KIDINS220: variants seen among roughly 807,000 people sequenced by gnomAD.
The protein encoded by KIDINS220 is kinase D-interacting substrate of 220 kDa.
In KIDINS220, 63 loss-of-function variants were observed where a neutral mutation model predicts 157.6. The observed-to-expected ratio is 0.40, with a 90% CI of 0.33 to 0.49. The LOEUF (loss-of-function observed/expected upper bound fraction) is 0.49. KIDINS220 is among the 20% of genes least tolerant of loss of function. The pLI is 0.66. For synonymous variants in KIDINS220, 732 were observed against 783.6 expected (o/e 0.93, Z 1.10); for missense variants, 1,772 against 2,171.2 (o/e 0.82, Z 3.65).
rs781540261 is a variant in KIDINS220, at chr2:8,788,680, A to C, written c.1754T>G (p.Leu585Trp). ...LKLMFVNPPE[L>W]PEQTTKALPV... Reference sequence around the variant, plus strand: ...TAAAGCTTTAGTAGTCTGCTCTGGCAACTCAGGTGGATTCACAAACATCAA... The same window carrying C: ...TAAAGCTTTAGTAGTCTGCTCTGGCCACTCAGGTGGATTCACAAACATCAA... Residue 585 changes from leucine (L) to tryptophan (W), a missense_variant, in exon 15 of 30, where the codon TTG (leucine) becomes TGG (tryptophan). Coordinates refer to ENST00000256707, the MANE Select transcript of KIDINS220 (RefSeq NM_020738.4). 59 of 1,614,068 alleles carry C rather than the reference A, an allele frequency of 3.7e-5. No individual in the cohort carries two copies. The highest frequency in any genetic ancestry group is 4.6e-5 in the Non-Finnish European group (54 of 1,180,008).
At chr2:8,762,218 T>C (rs1020397925) in intron 22 of KIDINS220, among the ~76,000 whole-genome samples, 3 of 152,238 alleles carry the variant, frequency 2.0e-5, no homozygotes, top group Non-Finnish European at 2.9e-5. Context: ...AACTTTGGAA[T>C]GTTCTATATA....
At position 8,835,850 on chromosome 2, in the gene KIDINS220, G is replaced by A. The variant is rs561874014; in HGVS notation, c.-37+1630C>T. On this transcript the variant is annotated intron_variant, in intron 1 of 29. Transcript: ENST00000256707. The stretch of plus-strand genomic sequence containing the variant: ...AGCACATAAAATGGAGAAACTGACC[G>A]TTCTTGAGCAAAAGCAGGAAGAAGG... Among the ~76,000 whole-genome samples, 7 of 152,108 alleles carry A rather than the reference G, an allele frequency of 4.6e-5. No individual in the cohort carries two copies. The South Asian group carries it at 6.2e-4, about 14-fold the overall frequency.
chr2:8,750,336 C>T lies in KIDINS220; in HGVS notation c.3191-1G>A. 6.5e-7 allele frequency: 1 copy of T among 1,542,742 alleles called. No individual in the cohort carries two copies. The highest frequency in any genetic ancestry group is 8.8e-7 in the Non-Finnish European group (1 of 1,138,830). On this transcript the variant is annotated splice_acceptor_variant, in intron 23 of 29. Transcript: ENST00000256707. LOFTEE classifies it high-confidence loss of function. ...ATCTGCTCTCTGGCAGCACGAACAT[C>T]TGAAAGATTCAATCAGACCCCAGAA...
Position 8,793,798 on chromosome 2 carries a change from C to T in KIDINS220, c.1276+12G>A. On this transcript the variant is annotated intron_variant, in intron 12 of 29. Coordinates refer to ENST00000256707, the MANE Select transcript of KIDINS220 (RefSeq NM_020738.4). ...TTTAAAAGCTCAGTTAGGAGCAAAA[C>T]TCAATACTTACTGGCTCCAAATATT... 1 of 1,578,462 alleles carries T rather than the reference C, an allele frequency of 6.3e-7. No individual in the cohort carries two copies. The highest frequency in any genetic ancestry group is 8.6e-7 in the Non-Finnish European group (1 of 1,164,698).
intron 10 of KIDINS220, 45 bp from the exon 11 acceptor site, chr2:8,796,914 C>G: frequency 7.3e-7 from 1 of 1,362,032 alleles, no homozygotes; most frequent in Non-Finnish European, 1.1e-6. Flanking sequence ...TAGCTTGACT[C>G]CTGTGTTTAT....
In KIDINS220 at chr2:8,776,077, T is replaced by G. The variant is rs79352961; in HGVS notation, c.2848+671A>C. On this transcript the variant is annotated intron_variant, in intron 21 of 29. Coordinates refer to ENST00000256707, the MANE Select transcript of KIDINS220 (RefSeq NM_020738.4). ...GCTTGAGAACTCACTTAAAGGAACT[T>G]AAGTACCAAAAATATTGTAAGTATA... Among the ~76,000 whole-genome samples the G allele has an allele frequency of 6.0e-3, 910 of 152,302 alleles. 9 individuals carry two copies. Among genetic ancestry groups the G allele is most frequent in the African/African-American group, 0.021 (866 of 41,564 alleles).
chr2:8,746,945 G>A (rs185030291), intron 26 of KIDINS220, 200 bp downstream of exon 26: 30 of 513,764 alleles, frequency 5.8e-5, no homozygotes, highest in African/African-American at 4.4e-4. Flanking sequence ...AAAGCAGGAG[G>A]AAATAATGGG....
At chr2:8,821,099 G>GT (rs1247544876) in intron 2 of KIDINS220, among the ~76,000 whole-genome samples, 4 of 151,774 alleles carry the variant, frequency 2.6e-5, no homozygotes, top group African/African-American at 9.7e-5. Flanking sequence ...ATAGGTAAGT[G>GT]TTTCTAGATA....
At chr2:8,779,567 C>T in intron 18 of KIDINS220, 107 bp downstream of exon 18, 1 of 1,235,796 alleles carries the variant, frequency 8.1e-7, no homozygotes, top group East Asian at 2.5e-5. Flanking sequence ...ATAGGAACTA[C>T]TCAAACAAAA....
intron 26 of KIDINS220, among the ~76,000 whole-genome samples, chr2:8,742,984 G>A (rs1259850271): frequency 2.0e-5 from 3 of 152,076 alleles, no homozygotes; most frequent in Admixed American, 1.3e-4. Context: ...ACAGAGCTTC[G>A]AGAGCAACTC....
intron 26 of KIDINS220, among the ~76,000 whole-genome samples, chr2:8,739,455 A>T (rs1665336412): frequency 6.6e-6 from 1 of 152,156 alleles, no homozygotes; most frequent in Admixed American, 6.5e-5. Flanking sequence ...TACCTGCTAG[A>T]CCTTTTCTAA....
intron 4 of KIDINS220, among the ~76,000 whole-genome samples, chr2:8,814,104 G>C (rs979937400): frequency 2.0e-5 from 3 of 152,162 alleles, no homozygotes; most frequent in Admixed American, 1.3e-4. Context: ...TGCTAAAAGA[G>C]AGAGGATGCT....
intron 18 of KIDINS220, 112 bp from the exon 19 acceptor site, chr2:8,779,251 TTTC>T: frequency 7.5e-7 from 1 of 1,328,498 alleles, no homozygotes; most frequent in South Asian, 1.4e-5. Flanking sequence ...TAAACTACTA[TTTC>T]TTTTCATCAA....
At position 8,731,082 on chromosome 2, in the gene KIDINS220, T is replaced by C; in HGVS notation, c.4954A>G (p.Ser1652Gly). The C allele has an allele frequency of 6.2e-7, 1 of 1,614,226 alleles. No individual in the cohort carries two copies. Among genetic ancestry groups the C allele is most frequent in the Non-Finnish European group, 8.5e-7 (1 of 1,180,032 alleles). ...RMSICSEDKK[S>G]PSECSLIASS... is the part of the protein sequence containing the mutation. ...GCTATCAAGCTGCATTCGGAAGGGC[T>C]TTTCTTGTCTTCTGAACAAATGGAC... The change falls in exon 30 of 30, where the codon AGC becomes GGC. Residue 1652 changes from serine to glycine, a missense_variant. Physicochemically the swap from Ser to Gly is moderately conservative, Grantham distance 56 (BLOSUM62 0). This residue lies in a region of KIDINS220 where 793 missense variants were observed against 885.5 expected (regional missense o/e 0.90). Coordinates refer to ENST00000256707, the MANE Select transcript of KIDINS220 (RefSeq NM_020738.4). This position sits in a 1 kb window ranked among gnomAD's most constrained non-coding sequence, Gnocchi z 5.2.
At chr2:8,788,856 T>G (rs772096027) in intron 14 of KIDINS220, 44 bp from the exon 15 acceptor site, 2 of 1,547,840 alleles carry the variant, frequency 1.3e-6, no homozygotes, top group African/African-American at 2.7e-5. Context: ...CAGTCACTAG[T>G]CAAGCAGATC....
rs747993935 is a variant in KIDINS220, at chr2:8,790,019, G to C, written c.1482C>G (p.Leu494=). Residue 494 remains leucine, a synonymous_variant, in exon 14 of 30, where the codon CTC becomes CTG. Transcript: ENST00000256707. The part of the protein sequence containing the change: ...KTFAGQQIEP[L]FQFSWLIVFL... ...ACACTATGAGCCATGAGAACTGAAA[G>C]AGAGGCTCAATCTGTTGTCCGGCGA... The C allele has an allele frequency of 6.2e-7, 1 of 1,608,294 alleles. No individual in the cohort carries two copies. Among genetic ancestry groups the C allele is most frequent in the Non-Finnish European group, 8.5e-7 (1 of 1,178,646 alleles).
At chr2:8,836,205 CA>C (rs370008479) in intron 1 of KIDINS220, among the ~76,000 whole-genome samples, 10,760 of 141,638 alleles carry the variant, frequency 0.076, 392 homozygotes, top group Middle Eastern at 0.17. Flanking sequence ...TGCCCTTAAC[CA>C]AAAAAAAAAA....
At chr2:8,790,871 C>A (rs1447973269) in intron 13 of KIDINS220, among the ~76,000 whole-genome samples, 189 bp downstream of exon 13, 10 of 152,130 alleles carry the variant, frequency 6.6e-5, no homozygotes. Flanking sequence ...GGGGTTATCA[C>A]ACAATTGGAT....
intron 21 of KIDINS220, among the ~76,000 whole-genome samples, chr2:8,774,076 C>T (rs1048037337): frequency 4.6e-5 from 7 of 151,846 alleles, no homozygotes; most frequent in Admixed American, 6.6e-5. Context: ...GAGGCCGAGG[C>T]GGGCGGATCA....
Sources: gnomAD v4.1 joint callset for allele counts (sites outside exome capture counted in the v4.1 genomes callset) on GRCh38, gnomAD v4.1.1 for gene constraint, gnomAD v4.1.1 regional missense constraint, Gnocchi (gnomAD v3.1) non-coding constraint, MANE v1.5 for transcripts, NCBI Gene and HGNC (gene_info 2026-07-23, HGNC 2026-07-21) for gene names.